TRIM28: variants seen among roughly 807,000 people sequenced by gnomAD.
The protein encoded by TRIM28 is transcription intermediary factor 1-beta.
In TRIM28, 8 loss-of-function variants were observed where a neutral mutation model predicts 87.4. The observed-to-expected ratio is 0.09, with a 90% CI of 0.05 to 0.17. The LOEUF (loss-of-function observed/expected upper bound fraction) is 0.17, where lower values mean the gene tolerates loss of function less well. Among genes scored for constraint, TRIM28 ranks in the 10% least tolerant of loss-of-function variants. The pLI is 1.00. For synonymous variants in TRIM28, 601 were observed against 454.3 expected (o/e 1.32, Z -4.11); for missense variants, 968 against 1,131.8 (o/e 0.86, Z 2.08).
chr19:58,548,195 G>C lies in TRIM28; in HGVS notation c.1101+15G>C, dbSNP rs1290047040. On this transcript the variant is annotated intron_variant, in intron 7 of 16. Transcript: ENST00000253024. ...CTAAGAAGTTGGTGTGTACTGGTGGGCTCCTGGCTGGTGGGTTCCAGGCAG... is the reference window on the plus strand; with the variant it reads ...CTAAGAAGTTGGTGTGTACTGGTGGCCTCCTGGCTGGTGGGTTCCAGGCAG... 6.2e-7 allele frequency: 1 copy of C among 1,613,678 alleles called. No individual in the cohort carries two copies. Among genetic ancestry groups the C allele is most frequent in the Non-Finnish European group, 8.5e-7 (1 of 1,179,558 alleles).
In TRIM28 at chr19:58,544,820, C is replaced by A; in HGVS notation, c.63C>A (p.Gly21=). 1 of 1,255,498 alleles carries A rather than the reference C, an allele frequency of 8.0e-7. No homozygotes were observed. Among genetic ancestry groups the A allele is most frequent in the Non-Finnish European group, 1.0e-6 (1 of 999,790 alleles). The allele number at this position is 1,255,498 out of a possible 1,614,324, so 77.8% of individuals were successfully genotyped here. Reference sequence around the variant, plus strand: ...CCTCGGCCGCCTCTGGCAGCCCGGGCCCGGGCGAGGGCTCCGCTGGCGGCG... The same window carrying A: ...CCTCGGCCGCCTCTGGCAGCCCGGGACCGGGCGAGGGCTCCGCTGGCGGCG... ...AAASAASGSP[G]PGEGSAGGEK... The change falls in exon 1 of 17, where the codon GGC becomes GGA. Residue 21 remains glycine (G), a synonymous_variant. Transcript: ENST00000253024.
At position 58,544,294 on chromosome 19, in the gene TRIM28, G is replaced by A. The variant is rs951836644; in HGVS notation, c.-464G>A. 2.6e-5 allele frequency: 4 copies of A among 152,498 alleles called. No individual in the cohort carries two copies. The highest frequency in any genetic ancestry group is 2.1e-4 in the South Asian group (1 of 4,848). The allele number at this position is 152,498 out of a possible 1,614,324, so 9.4% of individuals were successfully genotyped here. A position where few individuals can be genotyped will look rare whatever the true frequency, so the allele number is the denominator to read the frequency against. ...CCGCCCCCACAAGAGCCCCACCGAC[G>A]TGGGGTTGGCGGTGGTGGAAGGACT... On this transcript the variant is annotated 5_prime_UTR_variant, in exon 1 of 17. The change creates a new upstream start codon in the 5' untranslated region. Transcript: ENST00000253024.
chr19:58,545,966 G>T, intron 3 of TRIM28, 70 bp downstream of exon 3: 1 of 1,527,322 alleles, frequency 6.5e-7, no homozygotes, highest in South Asian at 1.2e-5. Flanking sequence ...TTATGATGTT[G>T]GTTGCATCTG....
chr19:58,545,205 A>G, intron 1 of TRIM28, 108 bp downstream of exon 1: 1 of 1,093,124 alleles, frequency 9.1e-7, no homozygotes, highest in Non-Finnish European at 1.3e-6. Flanking sequence ...GGGCCCGGAC[A>G]GGGCACGGGA....
Position 58,548,877 on chromosome 19 carries a change from C to T in TRIM28, c.1376C>T (p.Ser459Leu). 1 of 1,614,086 alleles carries T rather than the reference C, an allele frequency of 6.2e-7. No individual in the cohort carries two copies. The highest frequency in any genetic ancestry group is 8.5e-7 in the Non-Finnish European group (1 of 1,180,002). ...ATTTTCTAAGGAGATGATCCCTACT[C>T]AAGTGCAGAGCCCCATGTGTCAGGT... ...YGFGSGDDPY[S>L]SAEPHVSGVK... Residue 459 changes from serine to leucine, a missense_variant, in exon 11 of 17, where the codon TCA (serine) becomes TTA (leucine). Physicochemically the swap from Ser to Leu is moderately radical, Grantham distance 145. Coordinates refer to ENST00000253024, the MANE Select transcript of TRIM28 (RefSeq NM_005762.3).
At position 58,550,129 on chromosome 19, in the gene TRIM28, T is replaced by C; in HGVS notation, c.2194-18T>C. ...ATATGTGTGTCTTTGTGTGTGTATG[T>C]GTGATCTCTGCCTGCAGGACCAGCC... is the stretch of plus-strand genomic sequence containing the variant. On this transcript the variant is annotated intron_variant, in intron 15 of 16. Transcript: ENST00000253024. The C allele has an allele frequency of 1.9e-6, 3 of 1,613,812 alleles. No individual in the cohort carries two copies. The highest frequency in any genetic ancestry group is 2.5e-6 in the Non-Finnish European group (3 of 1,179,948).
At position 58,550,075 on chromosome 19, in the gene TRIM28, G is replaced by A. The variant is rs374479927; in HGVS notation, c.2193+40G>A. 1.9e-6 allele frequency: 3 copies of A among 1,613,528 alleles called. No individual in the cohort carries two copies. The African/African-American group carries it at 4.0e-5, about 22-fold the overall frequency. ...GGGAAAGGGGAAGGGGGTGGTGGCT[G>A]CTGGGTCTCGCCCTCAACCTGTGCA... On this transcript the variant is annotated intron_variant, in intron 15 of 16. Transcript: ENST00000253024.
intron 4 of TRIM28, 35 bp from the exon 5 acceptor site, chr19:58,547,562 G>T (rs763644154): frequency 1.2e-6 from 2 of 1,613,692 alleles, no homozygotes; most frequent in South Asian, 2.2e-5. Flanking sequence ...CCCTTCCGTA[G>T]CTTAGTGCTC....
At position 58,549,569 on chromosome 19, in the gene TRIM28, C is replaced by T. The variant is rs1243099347; in HGVS notation, c.1901C>T (p.Pro634Leu). Residue 634 changes from proline (P) to leucine (L), a missense_variant, in exon 13 of 17, where the codon CCA becomes CTA. Transcript: ENST00000253024. This position sits in a 1 kb window ranked among gnomAD's most constrained non-coding sequence, Gnocchi z 4.4. Reference sequence around the variant, plus strand: ...ACCATTTGCCGTGTCTGCCAGAAGCCAGGCGATCTGGTTATGTGCAACCAG... The same window carrying T: ...ACCATTTGCCGTGTCTGCCAGAAGCTAGGCGATCTGGTTATGTGCAACCAG... ...SATICRVCQKPGDLVMCNQCE... is the reference protein window; with the variant it reads ...SATICRVCQKLGDLVMCNQCE... The T allele has an allele frequency of 1.2e-6, 2 of 1,614,132 alleles. No homozygotes were observed. The highest frequency in any genetic ancestry group is 1.7e-5 in the Admixed American group (1 of 60,024).
chr19:58,546,291 CTG>C (rs991441717), intron 3 of TRIM28, among the ~76,000 whole-genome samples: 1 of 152,122 alleles, frequency 6.6e-6, no homozygotes, highest in African/African-American at 2.4e-5. Context: ...GGAAAGTAGA[CTG>C]TGGGTCCATG....
Position 58,549,491 on chromosome 19 carries a change from C to T in TRIM28, c.1823C>T (p.Pro608Leu), listed in dbSNP as rs769336041. Residue 608 changes from proline (P) to leucine (L), a missense_variant, in exon 13 of 17, where the codon CCT (proline) becomes CTT (leucine). This residue lies in a region of TRIM28 where 164 missense variants were observed against 146.2 expected (regional missense o/e 1.12). Transcript: ENST00000253024. The surrounding 1 kb of genome is among the most constrained non-coding windows in gnomAD (Gnocchi z 4.4). ...AGCTCAGGGCTGGAGGTGGTGGCTCCTGAGGGTACCTCAGCCCCAGGTGGT... is the reference window on the plus strand; with the variant it reads ...AGCTCAGGGCTGGAGGTGGTGGCTCTTGAGGGTACCTCAGCCCCAGGTGGT... ...STSSGLEVVA[P>L]EGTSAPGGGP... 12 of 1,613,850 alleles carry T rather than the reference C, an allele frequency of 7.4e-6. No individual in the cohort carries two copies. Among genetic ancestry groups the T allele is most frequent in the East Asian group, 4.5e-5 (2 of 44,886 alleles).
In TRIM28 at chr19:58,547,602, A is replaced by G; in HGVS notation, c.728A>G (p.Gln243Arg). 6.2e-7 allele frequency: 1 copy of G among 1,613,950 alleles called. No individual in the cohort carries two copies. Among genetic ancestry groups the G allele is most frequent in the Non-Finnish European group, 8.5e-7 (1 of 1,179,974 alleles). Residue 243 changes from glutamine (Q) to arginine (R), a missense_variant, in exon 5 of 17, where the codon CAG becomes CGG. By Grantham distance (43) the Gln-to-Arg change is conservative. This residue lies in a region of TRIM28 where 103 missense variants were observed against 139.0 expected (regional missense o/e 0.74). Coordinates refer to ENST00000253024, the MANE Select transcript of TRIM28 (RefSeq NM_005762.3). Reference protein sequence around the residue: ...QLNAHKDHQYQFLEDAVRNQR... With the variant: ...QLNAHKDHQYRFLEDAVRNQR... Reference sequence around the variant, plus strand: ...ACACATCTGTCTGCTCTCAGGTACCAGTTCTTAGAGGATGCAGTGAGGAAC... The same window carrying G: ...ACACATCTGTCTGCTCTCAGGTACCGGTTCTTAGAGGATGCAGTGAGGAAC...
chr19:58,547,386 G>T lies in TRIM28; in HGVS notation c.597G>T (p.Lys199Asn). 6.2e-7 allele frequency: 1 copy of T among 1,613,754 alleles called. No individual in the cohort carries two copies. Among genetic ancestry groups the T allele is most frequent in the Non-Finnish European group, 8.5e-7 (1 of 1,179,752 alleles). ...DHTVRSTGPA[K>N]SRDGERTVYC... ...ATTCCCACTCCCCAGGGCCAGCCAA[G>T]TCTCGGGATGGTGAACGTACTGTCT... is the stretch of plus-strand genomic sequence containing the variant. The change falls in exon 4 of 17, where the codon AAG becomes AAT. Residue 199 changes from lysine to asparagine, a missense_variant. Physicochemically the swap from Lys to Asn is moderately conservative, Grantham distance 94 (BLOSUM62 0). Around this residue, in one of 11 missense-constraint regions of TRIM28, gnomAD observed 103 missense variants for 139.0 expected, o/e 0.74. Coordinates refer to ENST00000253024, the MANE Select transcript of TRIM28 (RefSeq NM_005762.3).
Position 58,548,672 on chromosome 19 carries a change from G to A in TRIM28, c.1324-68G>A. ...AGGAGAGAGGACCCAGGCAGGGGGG[G>A]TGGGCAGGGAATGGGGTCCAGTAGG... On this transcript the variant is annotated intron_variant, in intron 9 of 16. Transcript: ENST00000253024. 4 of 1,605,638 alleles carry A rather than the reference G, an allele frequency of 2.5e-6. No homozygotes were observed. In the African/African-American group the frequency reaches 4.0e-5, roughly 16 times the overall value.
At chr19:58,545,337 G>C (rs969970595) in intron 1 of TRIM28, 88 bp from the exon 2 acceptor site, 1 of 1,131,732 alleles carries the variant, frequency 8.8e-7, no homozygotes, top group Non-Finnish European at 1.3e-6. Context: ...GCGGGATAAT[G>C]GTCGGGGGCC....
Position 58,549,594 on chromosome 19 carries a change from G to C in TRIM28, c.1926G>C (p.Gln642His). The C allele has an allele frequency of 6.2e-7, 1 of 1,614,134 alleles. No homozygotes were observed. Among genetic ancestry groups the C allele is most frequent in the South Asian group, 1.1e-5 (1 of 91,088 alleles). Residue 642 changes from glutamine (Q) to histidine (H), a missense_variant, in exon 13 of 17, where the codon CAG (glutamine) becomes CAC (histidine). Transcript: ENST00000253024. This position sits in a 1 kb window ranked among gnomAD's most constrained non-coding sequence, Gnocchi z 4.4. The stretch of plus-strand genomic sequence containing the variant: ...CAGGCGATCTGGTTATGTGCAACCA[G>C]TGTGAGTTTTGTTTCCACCTGGACT... The part of the protein sequence containing the change: ...QKPGDLVMCN[Q>H]CEFCFHLDCH...
Position 58,545,888 on chromosome 19 carries a change from G to T in TRIM28, c.578G>T (p.Arg193Leu). ...RVKYTKDHTV[R>L]STGPAKSRDG... is the part of the protein sequence containing the mutation. ...AAGTACACCAAGGACCATACTGTGC[G>T]CTCTACTGGTACATGAGGCTGAGGG... Residue 193 changes from arginine to leucine, a missense_variant, in exon 3 of 17, where the codon CGC becomes CTC. Around this residue, in one of 11 missense-constraint regions of TRIM28, gnomAD observed 103 missense variants for 139.0 expected, o/e 0.74. Coordinates refer to ENST00000253024, the MANE Select transcript of TRIM28 (RefSeq NM_005762.3). 6.3e-7 allele frequency: 1 copy of T among 1,591,270 alleles called. No homozygotes were observed. Among genetic ancestry groups the T allele is most frequent in the Non-Finnish European group, 8.6e-7 (1 of 1,162,148 alleles).
chr19:58,545,578 G>A (rs2053754274), intron 2 of TRIM28, 41 bp downstream of exon 2: 1 of 1,541,916 alleles, frequency 6.5e-7, no homozygotes. Context: ...TTTCTGGGGA[G>A]GGGGCATCTG....
At chr19:58,547,964 G>C (rs149921098) in intron 6 of TRIM28, 58 bp downstream of exon 6, 9 of 1,613,484 alleles carry the variant, frequency 5.6e-6, no homozygotes, top group African/African-American at 5.3e-5. Flanking sequence ...TGATGATGCT[G>C]TCTGGGGTGA....
Sources: allele counts gnomAD v4.1 joint callset (sites outside exome capture counted in the v4.1 genomes callset), GRCh38; gene constraint gnomAD v4.1.1; regional missense constraint gnomAD v4.1.1; non-coding constraint Gnocchi (gnomAD v3.1); transcripts MANE v1.5; gene names NCBI Gene and HGNC (gene_info 2026-07-23, HGNC 2026-07-21).